Variants in SPINT2 observed in about 807,000 individuals in gnomAD.
SPINT2 encodes kunitz-type protease inhibitor 2.
A neutral mutation model predicts 30.1 loss-of-function variants in SPINT2; 18 were observed. The observed-to-expected ratio is 0.60, with a 90% CI of 0.41 to 0.89. The LOEUF is 0.89. Ranked by LOEUF, SPINT2 falls within the 40% of genes least tolerant of loss-of-function variation. SPINT2 has a pLI of 0.00. For synonymous variants in SPINT2, 139 were observed against 137.9 expected (o/e 1.01, Z -0.05); for missense variants, 276 against 334.3 (o/e 0.83, Z 1.36).
intron 1 of SPINT2, among the ~76,000 whole-genome samples, chr19:38,271,092 C>CT (rs1968449634): frequency 6.6e-6 from 1 of 152,150 alleles, no homozygotes; most frequent in African/African-American, 2.4e-5. Context: ...AGTTTATTTA[C>CT]CTTTTTTTGT....
At chr19:38,289,623 G>A (rs975229753) in intron 4 of SPINT2, 3 of 249,386 alleles carry the variant, frequency 1.2e-5, no homozygotes, top group African/African-American at 6.8e-5. Context: ...CCCCTCCCCA[G>A]GTGGTGGCAG....
rs972550299 is a variant in SPINT2, at chr19:38,264,800, T to C, written c.-93T>C. On this transcript the variant is annotated 5_prime_UTR_variant, in exon 1 of 7. Transcript: ENST00000301244. ...GCGTCGGCACCTGAACGCGAGGCGC[T>C]CCATTGCGCGTGCGCGTTGAGGGGC... 2.0e-5 allele frequency: 27 copies of C among 1,339,128 alleles called. No homozygotes were observed. The highest frequency in any genetic ancestry group is 2.5e-5 in the Non-Finnish European group (24 of 976,404). The allele number at this position is 1,339,128 out of a possible 1,614,324, so 83.0% of individuals were successfully genotyped here. A position where few individuals can be genotyped will look rare whatever the true frequency, so the allele number is the denominator to read the frequency against.
intron 1 of SPINT2, among the ~76,000 whole-genome samples, chr19:38,272,437 G>A (rs186856699): frequency 6.6e-6 from 1 of 152,288 alleles, no homozygotes; most frequent in Non-Finnish European, 1.5e-5. Flanking sequence ...ATGAAAAAAG[G>A]TTGAGAAACA....
At chr19:38,289,761 C>T in intron 4 of SPINT2, 1 of 366,422 alleles carries the variant, frequency 2.7e-6, no homozygotes, top group Admixed American at 3.8e-5. Context: ...TTACATTGTC[C>T]CTGAACCTCT....
At chr19:38,271,155 A>G (rs1202293728) in intron 1 of SPINT2, among the ~76,000 whole-genome samples, 1 of 152,072 alleles carries the variant, frequency 6.6e-6, no homozygotes, top group Non-Finnish European at 1.5e-5. Flanking sequence ...CTTATTTTGA[A>G]GTTTATTTGA....
chr19:38,286,259 C>T lies in SPINT2; in HGVS notation c.278-1617C>T, dbSNP rs535889417. On this transcript the variant is annotated intron_variant, in intron 2 of 6. Coordinates refer to ENST00000301244, the MANE Select transcript of SPINT2 (RefSeq NM_021102.4). ...ATTAATTCATCATGAGAACCAGGAC[C>T]GCCCCGGGGAGCAGGCACTCGTGTC... Among the ~76,000 whole-genome samples, 7 of 152,206 alleles carry T rather than the reference C, an allele frequency of 4.6e-5. No individual in the cohort carries two copies. The East Asian group carries it at 9.7e-4, about 21-fold the overall frequency.
intron 1 of SPINT2, among the ~76,000 whole-genome samples, chr19:38,282,054 A>G (rs534614258): frequency 2.6e-5 from 4 of 152,316 alleles, no homozygotes; most frequent in Admixed American, 6.5e-5. Context: ...CTGCTGTGCT[A>G]CTTACCTGTG....
intron 1 of SPINT2, among the ~76,000 whole-genome samples, chr19:38,276,413 C>T (rs940854511): frequency 3.8e-4 from 58 of 152,156 alleles, no homozygotes; most frequent in Non-Finnish European, 4.6e-4. Flanking sequence ...GAGGCCGAGG[C>T]GGGTGGACTT....
Position 38,264,780 on chromosome 19 carries a change from G to C in SPINT2, c.-113G>C. 8.6e-7 allele frequency: 1 copy of C among 1,163,612 alleles called. No individual in the cohort carries two copies. Among genetic ancestry groups the C allele is most frequent in the South Asian group, 1.4e-5 (1 of 72,392 alleles). 72.1% of individuals were successfully genotyped at this position (1,163,612 alleles called of 1,614,324 possible). A position where few individuals can be genotyped will look rare whatever the true frequency, so the allele number is the denominator to read the frequency against. Reference sequence around the variant, plus strand: ...ACCTGGCGGACCCTCCCGGAGCGTCGGCACCTGAACGCGAGGCGCTCCATT... The same window carrying C: ...ACCTGGCGGACCCTCCCGGAGCGTCCGCACCTGAACGCGAGGCGCTCCATT... On this transcript the variant is annotated 5_prime_UTR_variant, in exon 1 of 7. Coordinates refer to ENST00000301244, the MANE Select transcript of SPINT2 (RefSeq NM_021102.4).
At chr19:38,275,013 A>G (rs1968499808) in intron 1 of SPINT2, among the ~76,000 whole-genome samples, 1 of 152,134 alleles carries the variant, frequency 6.6e-6, no homozygotes, top group South Asian at 2.1e-4. Context: ...TCTGTGAAGC[A>G]GCTCTGCGAG....
chr19:38,274,863 G>GT (rs1968498099), intron 1 of SPINT2, among the ~76,000 whole-genome samples: 1 of 151,870 alleles, frequency 6.6e-6, no homozygotes, highest in African/African-American at 2.4e-5. Flanking sequence ...TACGGGAGGT[G>GT]TTGCACTTCC....
chr19:38,273,206 A>G (rs1968476980), intron 1 of SPINT2, among the ~76,000 whole-genome samples: 1 of 152,188 alleles, frequency 6.6e-6, no homozygotes, highest in Admixed American at 6.6e-5. Context: ...GAAAACTTCC[A>G]GACACCCAAG....
chr19:38,285,485 C>A (rs1288315587), intron 2 of SPINT2, among the ~76,000 whole-genome samples: 1 of 152,176 alleles, frequency 6.6e-6, no homozygotes, highest in Non-Finnish European at 1.5e-5. Context: ...GCTGGGACTA[C>A]AGGCGTGCAC....
In SPINT2 at chr19:38,291,416, G is replaced by A. The variant is rs139184470; in HGVS notation, c.593-424G>A. On this transcript the variant is annotated intron_variant, in intron 6 of 6. Coordinates refer to ENST00000301244, the MANE Select transcript of SPINT2 (RefSeq NM_021102.4). ...GCCCTCCCAGCCCCTGCAGGGCCAC[G>A]TCTTTCTCTATTGCCGGTCAGCGTG... 454 of 173,038 alleles carry A rather than the reference G, an allele frequency of 2.6e-3. 11 individuals are homozygous for A. In the East Asian group the frequency reaches 0.047, roughly 18 times the overall value. 10.7% of individuals were successfully genotyped at this position (173,038 alleles called of 1,614,324 possible). A position where few individuals can be genotyped will look rare whatever the true frequency, so the allele number is the denominator to read the frequency against.
intron 1 of SPINT2, among the ~76,000 whole-genome samples, chr19:38,280,454 A>G (rs1165738567): frequency 6.6e-6 from 1 of 152,148 alleles, no homozygotes; most frequent in Non-Finnish European, 1.5e-5. Flanking sequence ...CTCACTGTAA[A>G]TTCATCACCT....
At chr19:38,282,799 A>G (rs901718376) in intron 1 of SPINT2, among the ~76,000 whole-genome samples, 43 of 152,328 alleles carry the variant, frequency 2.8e-4, no homozygotes, top group African/African-American at 9.1e-4. Flanking sequence ...AGGCTCTTCC[A>G]GTAATTTGAG....
At chr19:38,289,809 C>T (rs1436165391) in intron 4 of SPINT2, 15 of 421,708 alleles carry the variant, frequency 3.6e-5, no homozygotes, top group South Asian at 1.3e-4. Context: ...ACTGTTGCCC[C>T]GCCTCAGAGT....
At chr19:38,283,525 CA>C (rs1201458077) in intron 1 of SPINT2, 101 bp from the exon 2 acceptor site, 48 of 1,481,634 alleles carry the variant, frequency 3.2e-5, no homozygotes, top group Middle Eastern at 4.7e-4. Flanking sequence ...TGCTGGAACT[CA>C]AGGCTCTGGT....
chr19:38,268,233 G>A (rs1388381789), intron 1 of SPINT2, among the ~76,000 whole-genome samples: 3 of 152,180 alleles, frequency 2.0e-5, no homozygotes, highest in South Asian at 4.1e-4. Flanking sequence ...ACAGGTGGAC[G>A]GGCCGGACAA....
Sources: allele counts gnomAD v4.1 joint callset (sites outside exome capture counted in the v4.1 genomes callset), GRCh38; gene constraint gnomAD v4.1.1; transcripts MANE v1.5; gene names NCBI Gene and HGNC (gene_info 2026-07-23, HGNC 2026-07-21).